The following TRAPPC9 variants were observed in gnomAD, a reference collection of about 807,000 sequenced individuals.
The protein encoded by TRAPPC9 is IKK2 binding protein.
In TRAPPC9, 83 loss-of-function variants were observed where a neutral mutation model predicts 124.0. The ratio of observed to expected loss-of-function variants is 0.67; its 90% CI spans 0.56 to 0.80. The LOEUF is 0.80. TRAPPC9 is among the 30% of genes least tolerant of loss of function. TRAPPC9 has a pLI of 0.00. For missense variants in TRAPPC9, 1,302 were observed against 1,508.3 expected (o/e 0.86, Z 2.27); for synonymous variants, 638 against 617.5 (o/e 1.03, Z -0.49).
intron 6 of TRAPPC9, among the ~76,000 whole-genome samples, chr8:140,404,650 CATAA>C (rs1169326582): frequency 1.4e-4 from 22 of 152,280 alleles, no homozygotes; most frequent in African/African-American, 5.3e-4. Flanking sequence ...ATCCCATTTT[CATAA>C]ATAAGATGTG....
chr8:140,311,289 G>A lies in TRAPPC9; in HGVS notation c.1581C>T (p.Leu527=), dbSNP rs573928356. ...TGGTGAAGGGCACCGGTGGCAGGGT[G>A]AGGCCGCCAGGGAGGGCGATGGGCT... The part of the protein sequence containing the change: ...TMEPIALPGG[L]TLPPVPFTKL... Residue 527 remains leucine, a synonymous_variant, in exon 10 of 23, where the codon CTC becomes CTT. Transcript: ENST00000438773. 17 of 1,613,466 alleles carry A rather than the reference G, an allele frequency of 1.1e-5. No individual in the cohort carries two copies. Among genetic ancestry groups the A allele is most frequent in the Middle Eastern group, 1.6e-4 (1 of 6,062 alleles).
intron 17 of TRAPPC9, among the ~76,000 whole-genome samples, chr8:140,056,377 T>C (rs1252585317): frequency 2.0e-5 from 3 of 151,736 alleles, no homozygotes. Context: ...ACCACTGCAG[T>C]CTAGCCTAGG....
At chr8:140,123,856 G>C (rs148607977) in intron 17 of TRAPPC9, among the ~76,000 whole-genome samples, 205 of 152,312 alleles carry the variant, frequency 1.3e-3, no homozygotes, top group African/African-American at 4.6e-3. Flanking sequence ...GAGGAGTGCA[G>C]GTGAAATGGG....
chr8:140,290,875 A>C, intron 12 of TRAPPC9, 118 bp downstream of exon 12: 2 of 843,878 alleles, frequency 2.4e-6, no homozygotes, highest in Non-Finnish European at 4.0e-6. Flanking sequence ...GCTTTGGCAA[A>C]ACAAACATAA....
intron 2 of TRAPPC9, among the ~76,000 whole-genome samples, chr8:140,442,159 T>C (rs910409419): frequency 2.0e-5 from 3 of 152,246 alleles, no homozygotes; most frequent in African/African-American, 7.2e-5. Flanking sequence ...TCTAAATACA[T>C]AACTTGTTTT....
chr8:139,820,239 G>A (rs1388446684), intron 21 of TRAPPC9, among the ~76,000 whole-genome samples: 1 of 151,956 alleles, frequency 6.6e-6, no homozygotes. Context: ...GGAGTGCGGT[G>A]GCACCATCTC....
chr8:139,954,845 T>C (rs1001798206), intron 19 of TRAPPC9, among the ~76,000 whole-genome samples: 2 of 151,704 alleles, frequency 1.3e-5, no homozygotes, highest in Non-Finnish European at 2.9e-5. Context: ...CTCCATTGTA[T>C]ACACAGGCAT....
intron 15 of TRAPPC9, among the ~76,000 whole-genome samples, chr8:140,253,773 C>T (rs966442007): frequency 6.6e-6 from 1 of 152,128 alleles, no homozygotes; most frequent in Non-Finnish European, 1.5e-5. Context: ...GGCAAATACA[C>T]CATGGTCTTT....
Position 140,053,878 on chromosome 8 carries a change from T to G in TRAPPC9, c.2557-29799A>C, listed in dbSNP as rs375332606. On this transcript the variant is annotated intron_variant, in intron 17 of 22. Coordinates refer to ENST00000438773, the MANE Select transcript of TRAPPC9 (RefSeq NM_001160372.4). ...ATCAAAGACACTTGTACTCATATGC[T>G]TATTGCAGCACTATTCACATTAGCA... Among the ~76,000 whole-genome samples the G allele has an allele frequency of 3.3e-5, 5 of 152,380 alleles. No individual in the cohort carries two copies. In the East Asian group the frequency reaches 9.6e-4, roughly 29 times the overall value.
intron 9 of TRAPPC9, among the ~76,000 whole-genome samples, chr8:140,344,114 T>C (rs1489210099): frequency 6.6e-6 from 1 of 151,852 alleles, no homozygotes; most frequent in East Asian, 1.9e-4. Flanking sequence ...GGCATGTGAG[T>C]AGAGTTCTCA....
chr8:140,055,977 CA>C (rs1402905357), intron 17 of TRAPPC9, among the ~76,000 whole-genome samples: 1 of 151,352 alleles, frequency 6.6e-6, no homozygotes, highest in African/African-American at 2.4e-5. Context: ...TTTTTTTTAA[CA>C]AAATTACAGA....
intron 10 of TRAPPC9, among the ~76,000 whole-genome samples, chr8:140,305,363 C>T (rs2066099274): frequency 6.6e-6 from 1 of 151,752 alleles, no homozygotes; most frequent in South Asian, 2.1e-4. Context: ...TGCAGTGGTG[C>T]GATCTCCGCT....
chr8:139,841,389 C>G (rs1423612277), intron 21 of TRAPPC9, among the ~76,000 whole-genome samples: 1 of 152,216 alleles, frequency 6.6e-6, no homozygotes, highest in Non-Finnish European at 1.5e-5. Context: ...CTCTGCCTAG[C>G]ACATGGGGGC....
At chr8:140,107,537 T>C (rs552542472) in intron 17 of TRAPPC9, among the ~76,000 whole-genome samples, 1 of 152,292 alleles carries the variant, frequency 6.6e-6, no homozygotes, top group South Asian at 2.1e-4. Context: ...CCGTCCAGAA[T>C]TGGAGGCAAA....
At chr8:140,270,656 A>G (rs1588057300) in intron 15 of TRAPPC9, among the ~76,000 whole-genome samples, 1 of 152,324 alleles carries the variant, frequency 6.6e-6, no homozygotes, top group East Asian at 1.9e-4. Context: ...CAGGCTTTCC[A>G]GAAAGGGCAG....
In TRAPPC9 at chr8:139,728,892, T is replaced by C. The variant is rs1817676180; in HGVS notation, c.*2169A>G. Among the ~76,000 whole-genome samples, 1 of 152,244 alleles carries C rather than the reference T, an allele frequency of 6.6e-6. No homozygotes were observed. Among genetic ancestry groups the C allele is most frequent in the African/African-American group, 2.4e-5 (1 of 41,450 alleles). ...TTTTGCAGTTTGGGAAACTAAAAAA[T>C]ATAGAAAACTGCAAGAAATAATTAC... On this transcript the variant is annotated 3_prime_UTR_variant, in exon 23 of 23. Coordinates refer to ENST00000438773, the MANE Select transcript of TRAPPC9 (RefSeq NM_001160372.4).
chr8:140,458,077 A>T (rs1335669831), upstream of TRAPPC9, among the ~76,000 whole-genome samples: 2 of 70,348 alleles, frequency 2.8e-5, no homozygotes, highest in Non-Finnish European at 5.4e-5. Context: ...AGCGGGGGAC[A>T]GGGAGAGGGT....
rs1387461515 is a variant in TRAPPC9 at position 140,137,592 on chromosome 8, T to TCC, written c.2556+83865_2556+83866dup. Among the ~76,000 whole-genome samples, 4 of 152,174 alleles carry TCC rather than the reference T, an allele frequency of 2.6e-5. No individual in the cohort carries two copies. The East Asian group carries it at 7.7e-4, about 29-fold the overall frequency. On this transcript the variant is annotated intron_variant, in intron 17 of 22. Transcript: ENST00000438773. ...GGGGTCAAGCCACTGCGGCAGGATCTCCCACACCAGCCCCACCCCGCACCT... is the reference window on the plus strand; with the variant it reads ...GGGGTCAAGCCACTGCGGCAGGATCTCCCCCACACCAGCCCCACCCCGCACCT...
rs542954684 is a variant in TRAPPC9, at chr8:140,105,779, G to A, written c.2557-81700C>T. Among the ~76,000 whole-genome samples the A allele has an allele frequency of 5.9e-5, 9 of 152,134 alleles. No homozygotes were observed. In the South Asian group the frequency reaches 1.2e-3, roughly 21 times the overall value. On this transcript the variant is annotated intron_variant, in intron 17 of 22. Coordinates refer to ENST00000438773, the MANE Select transcript of TRAPPC9 (RefSeq NM_001160372.4). ...ATCTTCATTACCTAACTCACCCTGT[G>A]GGGGGAGGCTCCAGGAAGGAGAGAG...
Sources: allele counts gnomAD v4.1 joint callset (sites outside exome capture counted in the v4.1 genomes callset), GRCh38; gene constraint gnomAD v4.1.1; transcripts MANE v1.5; gene names NCBI Gene and HGNC (gene_info 2026-07-23, HGNC 2026-07-21).